The following MPRIP variants were observed in gnomAD, a reference collection of about 807,000 sequenced individuals.
The protein encoded by MPRIP is myosin phosphatase Rho-interacting protein.
Under a neutral mutation model 234.9 loss-of-function variants are expected in MPRIP, and 59 were observed. The ratio of observed to expected loss-of-function variants is 0.25; its 90% CI spans 0.20 to 0.31. The LOEUF is 0.31. Among genes scored for constraint, MPRIP ranks in the 10% least tolerant of loss-of-function variants. The probability of loss-of-function intolerance (pLI) is 1.00; values close to 1 mark genes in which losing one functional copy is unlikely to be tolerated. For missense variants in MPRIP, 2,436 were observed against 3,071.0 expected (o/e 0.79, Z 4.89); for synonymous variants, 1,144 against 1,263.9 (o/e 0.91, Z 2.01).
At chr17:17,095,285 C>T (rs936314258) in intron 3 of MPRIP, among the ~76,000 whole-genome samples, 4 of 152,148 alleles carry the variant, frequency 2.6e-5, no homozygotes, top group Admixed American at 6.5e-5. Flanking sequence ...GAATGAGTGG[C>T]GACCCTTCAG....
chr17:17,145,777 T>G (rs1202043260), intron 9 of MPRIP, among the ~76,000 whole-genome samples: 1 of 152,184 alleles, frequency 6.6e-6, no homozygotes, highest in Non-Finnish European at 1.5e-5. Context: ...CCCACACTGC[T>G]CACAGGGCAA....
At chr17:17,123,915 G>A (rs539680083) in intron 3 of MPRIP, among the ~76,000 whole-genome samples, 1 of 152,052 alleles carries the variant, frequency 6.6e-6, no homozygotes, top group African/African-American at 2.4e-5. Context: ...GGTGATGCCC[G>A]CCTCACAGTA....
In MPRIP at chr17:17,179,989, A is replaced by G. The variant is rs1427174840; in HGVS notation, c.7121-14A>G. On this transcript the variant is annotated splice_polypyrimidine_tract_variant and intron_variant, in intron 22 of 23. Coordinates refer to ENST00000651222, the MANE Select transcript of MPRIP (RefSeq NM_001364716.4). ...AAAGGTAACAGGTCTGTTTGTTTTC[A>G]TTATATACCGCAGATATAATGAAAT... 1.3e-6 allele frequency: 2 copies of G among 1,587,456 alleles called. No individual in the cohort carries two copies. Among genetic ancestry groups the G allele is most frequent in the African/African-American group, 1.4e-5 (1 of 73,408 alleles).
intron 3 of MPRIP, among the ~76,000 whole-genome samples, chr17:17,108,993 T>C (rs1205500864): frequency 6.6e-6 from 1 of 152,200 alleles, no homozygotes; most frequent in African/African-American, 2.4e-5. Context: ...TCCCGCCGGC[T>C]GTGGTGCGCA....
intron 10 of MPRIP, 30 bp from the exon 11 acceptor site, chr17:17,147,289 T>A (rs1184007920): frequency 1.9e-6 from 3 of 1,609,870 alleles, no homozygotes; most frequent in Non-Finnish European, 1.7e-6. Flanking sequence ...GAGTTGGTAG[T>A]CGAGTCATTT....
In MPRIP at chr17:17,180,108, C is replaced by A; in HGVS notation, c.7206+20C>A. The A allele has an allele frequency of 6.4e-7, 1 of 1,557,090 alleles. No homozygotes were observed. Among genetic ancestry groups the A allele is most frequent in the South Asian group, 1.2e-5 (1 of 82,654 alleles). On this transcript the variant is annotated intron_variant, in intron 23 of 23. Coordinates refer to ENST00000651222, the MANE Select transcript of MPRIP (RefSeq NM_001364716.4). ...TCCAAGGTGAGTCTGGGGTCCAGCC[C>A]CCTGGTGGGAGGGGCTTGAGGGACA...
At chr17:17,056,214 T>C (rs1406125826) in intron 1 of MPRIP, among the ~76,000 whole-genome samples, 1 of 152,268 alleles carries the variant, frequency 6.6e-6, no homozygotes, top group Non-Finnish European at 1.5e-5. Flanking sequence ...ACCGTGCTTC[T>C]GTCCTACCTG....
chr17:17,098,058 C>T (rs553673112), intron 3 of MPRIP, among the ~76,000 whole-genome samples: 1 of 152,334 alleles, frequency 6.6e-6, no homozygotes, highest in African/African-American at 2.4e-5. Context: ...TGCCATGTTG[C>T]CTCCCTGCGC....
intron 17 of MPRIP, 54 bp downstream of exon 17, chr17:17,171,919 C>G: frequency 6.4e-7 from 1 of 1,560,884 alleles, no homozygotes; most frequent in Non-Finnish European, 8.7e-7. Context: ...TTTTTTTGAG[C>G]TAGACACACA....
At chr17:17,133,806 CAA>C (rs1383385891) in intron 5 of MPRIP, among the ~76,000 whole-genome samples, 1 of 152,148 alleles carries the variant, frequency 6.6e-6, no homozygotes, top group East Asian at 1.9e-4. Context: ...TTGGCCCTGA[CAA>C]GAGTTTCCAA....
chr17:17,090,277 A>G (rs1034966174), intron 3 of MPRIP, among the ~76,000 whole-genome samples: 4 of 152,168 alleles, frequency 2.6e-5, no homozygotes, highest in Non-Finnish European at 5.9e-5. Context: ...CAGCCGCACT[A>G]AGGCAGGCTT....
In MPRIP at chr17:17,167,223, T is replaced by C. The variant is rs2144644045; in HGVS notation, c.5632T>C (p.Ser1878Pro). The part of the protein sequence containing the change: ...ESWQTREPSC[S>P]EQAQAARALR... ...CTGGCAAACCCGGGAGCCCTCCTGC[T>C]CAGAGCAGGCACAGGCAGCCCGGGC... The change falls in exon 16 of 24, where the codon TCA becomes CCA. Residue 1878 changes from serine (S) to proline (P), a missense_variant. Ser to Pro is a moderately conservative substitution (Grantham distance 74). Transcript: ENST00000651222. The surrounding 1 kb of genome is among the most constrained non-coding windows in gnomAD (Gnocchi z 5.9). 6.9e-6 allele frequency: 9 copies of C among 1,303,894 alleles called. No homozygotes were observed. Among genetic ancestry groups the C allele is most frequent in the Non-Finnish European group, 9.1e-6 (9 of 988,894 alleles). The allele number at this position is 1,303,894 out of a possible 1,614,324, so 80.8% of individuals were successfully genotyped here.
At position 17,044,231 on chromosome 17, in the gene MPRIP, G is replaced by A. The variant is rs561478252; in HGVS notation, c.123+1260G>A. The stretch of plus-strand genomic sequence containing the variant: ...TGGTTAAGATACCAAGGGTTTTAAG[G>A]ACGGTCAGCTTGGGACGGATAGAAC... On this transcript the variant is annotated intron_variant, in intron 1 of 23. Transcript: ENST00000651222. 8.5e-5 allele frequency among the ~76,000 whole-genome samples: 13 copies of A among 152,348 alleles called. No homozygotes were observed. The East Asian group carries it at 2.3e-3, about 27-fold the overall frequency.
At chr17:17,142,487 C>A in intron 7 of MPRIP, 140 bp from the exon 8 acceptor site, 2 of 945,954 alleles carry the variant, frequency 2.1e-6, no homozygotes, top group Non-Finnish European at 3.2e-6. Flanking sequence ...GTCAGCTGAG[C>A]ACGTGTCTAG....
intron 3 of MPRIP, among the ~76,000 whole-genome samples, chr17:17,111,166 A>C (rs372691782): frequency 0.041 from 5,992 of 146,484 alleles, 447 homozygotes; most frequent in African/African-American, 0.13. Context: ...ACCAAAAAAA[A>C]AAGAAAAAAC....
intron 12 of MPRIP, among the ~76,000 whole-genome samples, chr17:17,153,553 C>T (rs1047145020): frequency 1.3e-5 from 2 of 151,566 alleles, no homozygotes; most frequent in South Asian, 2.1e-4. Context: ...CCCCGTTCCT[C>T]GCCCAAAACA....
chr17:17,149,216 G>A (rs1041108707), intron 11 of MPRIP, among the ~76,000 whole-genome samples: 6 of 152,158 alleles, frequency 3.9e-5, no homozygotes, highest in Non-Finnish European at 7.3e-5. Flanking sequence ...TTTGTTGTCC[G>A]GGGGCGGTGG....
At chr17:17,103,174 T>A (rs1292173410) in intron 3 of MPRIP, among the ~76,000 whole-genome samples, 1 of 152,186 alleles carries the variant, frequency 6.6e-6, no homozygotes, top group East Asian at 1.9e-4. Context: ...ACAGATTAAG[T>A]CACTTCCACT....
chr17:17,113,121 G>A (rs529968566), intron 3 of MPRIP, among the ~76,000 whole-genome samples: 1 of 152,270 alleles, frequency 6.6e-6, no homozygotes, highest in African/African-American at 2.4e-5. Context: ...CCTTGCAGAC[G>A]GCTCCTGGCC....
Sources: allele counts gnomAD v4.1 joint callset (sites outside exome capture counted in the v4.1 genomes callset), GRCh38; gene constraint gnomAD v4.1.1; non-coding constraint Gnocchi (gnomAD v3.1); transcripts MANE v1.5; gene names NCBI Gene and HGNC (gene_info 2026-07-23, HGNC 2026-07-21).